EPM2A: variants seen among roughly 807,000 people sequenced by gnomAD.
The protein encoded by EPM2A is laforin.
In EPM2A, 21 loss-of-function variants were observed where a neutral mutation model predicts 26.5. The ratio of observed to expected loss-of-function variants is 0.79; its 90% CI spans 0.56 to 1.14. EPM2A has a LOEUF of 1.14. EPM2A is among the 50% of genes most tolerant of loss of function. EPM2A has a pLI of 0.00. For synonymous variants in EPM2A, 217 were observed against 177.6 expected (o/e 1.22, Z -1.76); for missense variants, 458 against 440.8 (o/e 1.04, Z -0.35).
downstream of EPM2A, among the ~76,000 whole-genome samples, chr6:145,621,533 TG>T (rs1012472258): frequency 1.3e-5 from 2 of 152,210 alleles, no homozygotes; most frequent in African/African-American, 4.8e-5. Flanking sequence ...CCATAACGGC[TG>T]TACTGATTTA....
intron 1 of EPM2A, among the ~76,000 whole-genome samples, chr6:145,713,191 T>G (rs1235432902): frequency 6.6e-6 from 1 of 152,230 alleles, no homozygotes; most frequent in Non-Finnish European, 1.5e-5. Context: ...TGTACGAAAC[T>G]AATGCGTGCA....
chr6:145,641,167 T>G (rs117407111), intron 2 of EPM2A: 1 of 152,308 alleles, frequency 6.6e-6, no homozygotes, highest in Admixed American at 6.5e-5. Flanking sequence ...AGGCCTATTA[T>G]GTTGACTTGT....
At chr6:145,648,120 T>G (rs1562440549) in intron 2 of EPM2A, among the ~76,000 whole-genome samples, 2 of 152,246 alleles carry the variant, frequency 1.3e-5, no homozygotes, top group Non-Finnish European at 2.9e-5. Flanking sequence ...ATTCTTTTAC[T>G]ACACATTATT....
chr6:145,443,017 C>T (rs947738635), intron 4 of EPM2A, among the ~76,000 whole-genome samples: 13 of 151,826 alleles, frequency 8.6e-5, no homozygotes, highest in South Asian at 2.1e-4. Flanking sequence ...CCTGCCACCA[C>T]GCCCGGCTAA....
chr6:145,417,655 G>C (rs1778726857), intron 4 of EPM2A, among the ~76,000 whole-genome samples: 1 of 151,996 alleles, frequency 6.6e-6, no homozygotes, highest in African/African-American at 2.4e-5. Context: ...ATCTTTTTCT[G>C]GTATTTTCTT....
intron 2 of EPM2A, among the ~76,000 whole-genome samples, chr6:145,584,720 A>T (rs924675197): frequency 6.6e-6 from 1 of 152,156 alleles, no homozygotes; most frequent in African/African-American, 2.4e-5. Context: ...ACTGAGGGTC[A>T]GGAGCAGGTC....
At chr6:145,705,110 A>G (rs1425712004) in intron 1 of EPM2A, among the ~76,000 whole-genome samples, 1 of 152,180 alleles carries the variant, frequency 6.6e-6, no homozygotes, top group Non-Finnish European at 1.5e-5. Context: ...TTTTGGTCCT[A>G]GGGCTTGCTG....
chr6:145,560,224 C>G (rs1207457387), intron 2 of EPM2A, among the ~76,000 whole-genome samples: 1 of 152,054 alleles, frequency 6.6e-6, no homozygotes, highest in Non-Finnish European at 1.5e-5. Context: ...TCTGCTTAGG[C>G]TATATTCCAC....
chr6:145,671,298 G>A, intron 2 of EPM2A: 1 of 1,040,432 alleles, frequency 9.6e-7, no homozygotes, highest in Non-Finnish European at 1.2e-6. Flanking sequence ...TATAGCTGCT[G>A]TAGAGCTGGA....
At chr6:145,727,418 A>G (rs1226155392) in intron 1 of EPM2A, among the ~76,000 whole-genome samples, 3 of 152,168 alleles carry the variant, frequency 2.0e-5, no homozygotes, top group Non-Finnish European at 2.9e-5. Context: ...TTATTTATAT[A>G]ACAGAGAAAT....
chr6:145,515,138 T>C (rs1275460249), intron 2 of EPM2A, among the ~76,000 whole-genome samples: 1 of 152,172 alleles, frequency 6.6e-6, no homozygotes, highest in Admixed American at 6.5e-5. Flanking sequence ...AAGAAGGGTA[T>C]GGGTATTGTT....
intron 2 of EPM2A, among the ~76,000 whole-genome samples, chr6:145,596,818 T>G (rs566598172): frequency 9.6e-5 from 14 of 145,684 alleles, no homozygotes; most frequent in Non-Finnish European, 1.7e-4. Flanking sequence ...TTCAACACAC[T>G]CATCCTAGGC....
chr6:145,683,606 C>T (rs1780712659), intron 2 of EPM2A, among the ~76,000 whole-genome samples: 1 of 152,020 alleles, frequency 6.6e-6, no homozygotes, highest in Non-Finnish European at 1.5e-5. Context: ...AGCTTTGATA[C>T]TGTAAGTGAA....
intron 1 of EPM2A, among the ~76,000 whole-genome samples, chr6:145,725,410 C>T (rs1371763832): frequency 6.6e-6 from 1 of 152,068 alleles, no homozygotes; most frequent in African/African-American, 2.4e-5. Flanking sequence ...AGTCTTATCA[C>T]ATGATTCAGC....
intron 2 of EPM2A, among the ~76,000 whole-genome samples, chr6:145,516,689 C>A (rs919687172): frequency 1.4e-4 from 22 of 152,074 alleles, no homozygotes; most frequent in African/African-American, 4.6e-4. Flanking sequence ...GAAATGAAAG[C>A]AAGTGATAGA....
chr6:145,392,227 T>A (rs775254482), intron 4 of EPM2A, among the ~76,000 whole-genome samples: 1 of 152,208 alleles, frequency 6.6e-6, no homozygotes, highest in African/African-American at 2.4e-5. Context: ...TCAATAGCAG[T>A]GTGAGACCTT....
chr6:145,604,576 TC>T (rs1781458330), intron 2 of EPM2A, among the ~76,000 whole-genome samples: 1 of 152,124 alleles, frequency 6.6e-6, no homozygotes, highest in Non-Finnish European at 1.5e-5. Context: ...AATAATGTTT[TC>T]CCCATAAATG....
At chr6:145,441,199 C>T (rs919140648) in intron 4 of EPM2A, among the ~76,000 whole-genome samples, 2 of 152,224 alleles carry the variant, frequency 1.3e-5, no homozygotes, top group Non-Finnish European at 2.9e-5. Context: ...GCTGCCAAGG[C>T]TTGGCGCTTG....
chr6:145,641,126 A>G (rs1270135609), intron 2 of EPM2A: 3 of 152,340 alleles, frequency 2.0e-5, no homozygotes, highest in East Asian at 3.9e-4. Flanking sequence ...TTTATTTTCC[A>G]TATTATGAAA....
Sources: gnomAD v4.1 joint callset for allele counts (sites outside exome capture counted in the v4.1 genomes callset) on GRCh38, gnomAD v4.1.1 for gene constraint, MANE v1.5 for transcripts, NCBI Gene and HGNC (gene_info 2026-07-23, HGNC 2026-07-21) for gene names.